Variants in AARS1 observed in about 807,000 individuals in gnomAD.
AARS1 encodes alanyl-tRNA synthetase 1, also known as alanine--tRNA ligase, cytoplasmic.
A neutral mutation model predicts 108.9 loss-of-function variants in AARS1; 72 were observed. The ratio of observed to expected loss-of-function variants is 0.66; its 90% CI spans 0.55 to 0.80. The LOEUF (loss-of-function observed/expected upper bound fraction) is 0.80. AARS1 is among the 30% of genes least tolerant of loss of function. The probability of loss-of-function intolerance (pLI) is 0.00; values close to 1 mark genes in which losing one functional copy is unlikely to be tolerated. For missense variants in AARS1, 1,193 were observed against 1,233.2 expected (o/e 0.97, Z 0.49); for synonymous variants, 489 against 465.7 (o/e 1.05, Z -0.64).
At chr16:70,283,279 C>G (rs897725330) in intron 1 of AARS1, among the ~76,000 whole-genome samples, 4 of 152,030 alleles carry the variant, frequency 2.6e-5, no homozygotes, top group African/African-American at 7.3e-5. Context: ...TGCCTGTAAT[C>G]CCAGCTACTT....
intron 1 of AARS1, among the ~76,000 whole-genome samples, chr16:70,283,978 G>A (rs1226074753): frequency 1.3e-5 from 2 of 152,008 alleles, no homozygotes; most frequent in Non-Finnish European, 2.9e-5. Context: ...TTGGGAGACC[G>A]AGGTGGCAGA....
chr16:70,269,322 G>GAAAAAAAGAAAAAAAAAAA (rs1960337550), intron 7 of AARS1, among the ~76,000 whole-genome samples: 1 of 64,242 alleles, frequency 1.6e-5, no homozygotes, highest in African/African-American at 6.6e-5. Flanking sequence ...TTCTGTCTCA[G>GAAAAAAAGAAAAAAAAAAA]AAAAAAAAAA....
In AARS1 at chr16:70,261,101, A is replaced by G. The variant is rs1223393949; in HGVS notation, c.1728T>C (p.Ile576=). The change falls in exon 13 of 21, where the codon ATT becomes ATC. Residue 576 remains isoleucine, a synonymous_variant. Coordinates refer to ENST00000261772, the MANE Select transcript of AARS1 (RefSeq NM_001605.3). ...AQVRGGYVLH[I]GTIYGDLKVG... ...CTTTCAGGTCACCGTAGATGGTTCC[A>G]ATGTGTAGCACATACCCTCCTCGGA... 4.3e-6 allele frequency: 7 copies of G among 1,613,950 alleles called. No individual in the cohort carries two copies. The highest frequency in any genetic ancestry group is 5.9e-6 in the Non-Finnish European group (7 of 1,179,890).
chr16:70,282,314 G>T (rs1180998626), intron 2 of AARS1, among the ~76,000 whole-genome samples: 1 of 133,336 alleles, frequency 7.5e-6, no homozygotes, highest in African/African-American at 3.0e-5. Context: ...GGATGACAGA[G>T]CGAGACTCCG....
Position 70,252,410 on chromosome 16 carries a change from T to G in AARS1, c.*311A>C. 1 of 460,582 alleles carries G rather than the reference T, an allele frequency of 2.2e-6. No homozygotes were observed. Among genetic ancestry groups the G allele is most frequent in the Non-Finnish European group, 4.0e-6 (1 of 249,918 alleles). 28.5% of individuals were successfully genotyped at this position (460,582 alleles called of 1,614,324 possible). On this transcript the variant is annotated 3_prime_UTR_variant, in exon 21 of 21. Coordinates refer to ENST00000261772, the MANE Select transcript of AARS1 (RefSeq NM_001605.3). ...TTAAGTATTGCACGTGGTCCTTTTA[T>G]TCTCTGCAGCAAAAACGATTCCTAC... is the stretch of plus-strand genomic sequence containing the variant.
chr16:70,280,198 T>G (rs1012267501), intron 2 of AARS1, among the ~76,000 whole-genome samples: 1 of 152,244 alleles, frequency 6.6e-6, no homozygotes, highest in Non-Finnish European at 1.5e-5. Flanking sequence ...ATTACAGGCA[T>G]GAACCACTGT....
intron 7 of AARS1, 87 bp downstream of exon 7, chr16:70,269,531 C>G: frequency 1.9e-6 from 3 of 1,578,420 alleles, no homozygotes; most frequent in Non-Finnish European, 2.6e-6. Context: ...AACACTCAAT[C>G]TCACACACAA....
chr16:70,269,976 C>T (rs577317783), intron 6 of AARS1, among the ~76,000 whole-genome samples: 98 of 152,148 alleles, frequency 6.4e-4, no homozygotes, highest in Non-Finnish European at 6.2e-4. Context: ...TAGAGCCTCA[C>T]ATTATTATTT....
intron 1 of AARS1, among the ~76,000 whole-genome samples, chr16:70,287,114 G>A (rs1960864405): frequency 1.3e-5 from 2 of 151,846 alleles, no homozygotes; most frequent in African/African-American, 2.4e-5. Flanking sequence ...AGCCGGGCGT[G>A]GTAGCGGGCG....
At chr16:70,265,401 C>T (rs1960238187) in intron 10 of AARS1, 137 bp downstream of exon 10, 1 of 1,367,212 alleles carries the variant, frequency 7.3e-7, no homozygotes. Flanking sequence ...GCAGACTCGC[C>T]CCCACTTGAG....
In AARS1 at chr16:70,269,322, G is replaced by GAAAAAA. The variant is rs56394253; in HGVS notation, c.962+290_962+295dup. On this transcript the variant is annotated intron_variant, in intron 7 of 20. Coordinates refer to ENST00000261772, the MANE Select transcript of AARS1 (RefSeq NM_001605.3). ...GCAACAAAAGCAAAATTCTGTCTCA[G>GAAAAAA]AAAAAAAAAAAAAAAAAAAAAAAAA... Among the ~76,000 whole-genome samples the GAAAAAA allele has an allele frequency of 1.0e-3, 66 of 64,254 alleles. 1 individual carries two copies. Among genetic ancestry groups the GAAAAAA allele is most frequent in the East Asian group, 4.6e-3 (9 of 1,978 alleles). The allele number at this position is 64,254 out of a possible 152,430, so 42.2% of individuals were successfully genotyped here.
chr16:70,255,879 C>A, intron 15 of AARS1, 43 bp from the exon 16 acceptor site: 1 of 1,571,948 alleles, frequency 6.4e-7, no homozygotes, highest in Non-Finnish European at 8.7e-7. Context: ...GAGGCCCTGG[C>A]AGCCCTTGGC....
intron 16 of AARS1, among the ~76,000 whole-genome samples, chr16:70,255,346 C>T (rs1271133328): frequency 2.6e-5 from 4 of 151,928 alleles, no homozygotes; most frequent in Middle Eastern, 3.4e-3. Flanking sequence ...ATTACAGACG[C>T]GCGCCACTAC....
Position 70,261,915 on chromosome 16 carries a change from C to T in AARS1, c.1671+431G>A, listed in dbSNP as rs372131961. 3.9e-5 allele frequency among the ~76,000 whole-genome samples: 6 copies of T among 152,106 alleles called. No individual in the cohort carries two copies. In the East Asian group the frequency reaches 5.9e-4, roughly 15 times the overall value. ...AACTCCTGACCTCAGGCGATCCACC[C>T]GCCTTGGCCTCCCAAAGTGCTAGGA... On this transcript the variant is annotated intron_variant, in intron 12 of 20. Coordinates refer to ENST00000261772, the MANE Select transcript of AARS1 (RefSeq NM_001605.3).
chr16:70,287,254 CAAAAAAAAAAAA>C lies in AARS1; in HGVS notation c.-22+2155_-22+2166del, dbSNP rs71151181. Among the ~76,000 whole-genome samples the C allele has an allele frequency of 6.1e-4, 24 of 39,438 alleles. No homozygotes were observed. In the East Asian group the frequency reaches 0.021, roughly 34 times the overall value. 25.9% of individuals were successfully genotyped at this position (39,438 alleles called of 152,430 possible). On this transcript the variant is annotated intron_variant, in intron 1 of 20. Coordinates refer to ENST00000261772, the MANE Select transcript of AARS1 (RefSeq NM_001605.3). ...TGGGCGACAGAGCGAGACTCCGTCT[CAAAAAAAAAAAA>C]AAAAAAAAAAAATTAGCTGGGCATG...
intron 4 of AARS1, 35 bp downstream of exon 4, chr16:70,276,451 C>A: frequency 6.2e-7 from 1 of 1,611,396 alleles, no homozygotes; most frequent in Non-Finnish European, 8.5e-7. Context: ...TCATTTCACT[C>A]CTCCATACTC....
chr16:70,257,915 G>A (rs1960028560), intron 15 of AARS1, 118 bp downstream of exon 15: 1 of 1,119,134 alleles, frequency 8.9e-7, no homozygotes, highest in Non-Finnish European at 1.3e-6. Context: ...TTTAGCAACG[G>A]CATTTCTGAG....
intron 11 of AARS1, among the ~76,000 whole-genome samples, chr16:70,263,484 T>C (rs375962062): frequency 1.9e-4 from 28 of 150,142 alleles, no homozygotes; most frequent in Non-Finnish European, 1.9e-4. Flanking sequence ...GGCAGGAGAA[T>C]CACTTCAAGC....
At chr16:70,258,362 G>T in intron 14 of AARS1, 145 bp from the exon 15 acceptor site, 1 of 810,356 alleles carries the variant, frequency 1.2e-6, no homozygotes, top group Non-Finnish European at 2.0e-6. Flanking sequence ...TCAATCACAC[G>T]CCACGTGCAA....
Sources: gnomAD v4.1 joint callset for allele counts (sites outside exome capture counted in the v4.1 genomes callset) on GRCh38, gnomAD v4.1.1 for gene constraint, MANE v1.5 for transcripts, NCBI Gene and HGNC (gene_info 2026-07-23, HGNC 2026-07-21) for gene names.